The following KLRG1 variants were observed in gnomAD, a reference collection of about 807,000 sequenced individuals.
The protein encoded by KLRG1 is killer cell lectin like receptor G1.
Under a neutral mutation model 21.8 loss-of-function variants are expected in KLRG1, and 16 were observed. The observed-to-expected ratio is 0.73, with a 90% CI of 0.50 to 1.11. The LOEUF is 1.11. Ranked by LOEUF, KLRG1 falls within the 50% of genes most tolerant of loss-of-function variation. The probability of loss-of-function intolerance (pLI) is 0.00; values close to 1 mark genes in which losing one functional copy is unlikely to be tolerated. For missense variants in KLRG1, 173 were observed against 218.3 expected, an observed-to-expected ratio of 0.79 and a Z score of 1.31; for synonymous variants, 69 against 75.9, an observed-to-expected ratio of 0.91 and a Z score of 0.47.
chr12:9,170,909 G>C, the KLRG1 span, among the ~76,000 whole-genome samples: 1 of 152,144 alleles, frequency 6.6e-6, no homozygotes, highest in African/African-American at 2.4e-5. The surrounding 1 kb of genome is among the most constrained non-coding windows in gnomAD (Gnocchi z 4.6). Context: ...GGTTGACTCT[G>C]CCACTCCAAC....
chr12:9,074,950 G>A, the KLRG1 span, among the ~76,000 whole-genome samples: 1 of 152,160 alleles, frequency 6.6e-6, no homozygotes, highest in Non-Finnish European at 1.5e-5. Context: ...GTGTGTTTTA[G>A]CCCAGCTAAG....
the KLRG1 span, chr12:9,168,675 T>G: frequency 2.0e-6 from 1 of 505,900 alleles, no homozygotes; most frequent in Non-Finnish European, 3.5e-6. Context: ...AAGTATCGGA[T>G]GTATCTAAAA....
chr12:9,153,059 A>G, the KLRG1 span: 2 of 1,606,990 alleles, frequency 1.2e-6, no homozygotes, highest in Non-Finnish European at 1.7e-6. Flanking sequence ...GAAGGAAGGA[A>G]CAGAGTTTCC....
the KLRG1 span, chr12:9,202,364 G>T: frequency 2.8e-4 from 449 of 1,614,104 alleles, 7 homozygotes; most frequent in South Asian, 4.5e-3. Flanking sequence ...AGACAACACG[G>T]AATCTTACTG....
At chr12:8,966,382 AT>A (rs1312093827) in intron 1 of KLRG1, among the ~76,000 whole-genome samples, 1 of 152,156 alleles carries the variant, frequency 6.6e-6, no homozygotes, top group Non-Finnish European at 1.5e-5. Flanking sequence ...AAAAGAAACT[AT>A]CATCAGAGTG....
intron 1 of KLRG1, among the ~76,000 whole-genome samples, chr12:8,974,770 G>A (rs1357558568): frequency 6.6e-6 from 1 of 152,036 alleles, no homozygotes; most frequent in Admixed American, 6.6e-5. Flanking sequence ...TTTGGTTTAC[G>A]GGTATTTTAT....
At chr12:9,040,007 A>G in the KLRG1 span, among the ~76,000 whole-genome samples, 1 of 152,256 alleles carries the variant, frequency 6.6e-6, no homozygotes. Flanking sequence ...GGAACTATCA[A>G]TAATAGAAGG....
At chr12:9,159,866 G>T in the KLRG1 span, 2 of 1,304,202 alleles carry the variant, frequency 1.5e-6, no homozygotes, top group Non-Finnish European at 2.2e-6. Flanking sequence ...AACAGAAAAT[G>T]GACTAAGACA....
At chr12:9,055,809 A>G in the KLRG1 span, 1 of 152,614 alleles carries the variant, frequency 6.6e-6, no homozygotes, top group East Asian at 1.9e-4. Context: ...TTCTAATTGG[A>G]TATGGACAGC....
chr12:9,150,077 C>A, the KLRG1 span, among the ~76,000 whole-genome samples: 1 of 152,186 alleles, frequency 6.6e-6, no homozygotes, highest in East Asian at 1.9e-4. Flanking sequence ...TTTTGCCTCT[C>A]AAACTTATTG....
At chr12:8,991,686 T>C (rs186159155) in intron 1 of KLRG1, among the ~76,000 whole-genome samples, 62 of 152,320 alleles carry the variant, frequency 4.1e-4, no homozygotes, top group East Asian at 4.1e-3. Flanking sequence ...TATTAGAAGC[T>C]ATATATTCAC....
At chr12:9,077,338 G>GTA in the KLRG1 span, 2 of 1,610,896 alleles carry the variant, frequency 1.2e-6, no homozygotes, top group Non-Finnish European at 1.7e-6. Flanking sequence ...GAATGGGGTG[G>GTA]TACCTACAGT....
At chr12:9,079,993 A>C in the KLRG1 span, 2 of 940,122 alleles carry the variant, frequency 2.1e-6, no homozygotes, top group Non-Finnish European at 3.0e-6. Context: ...AGAAGAAAGA[A>C]GTTAAAATTA....
chr12:9,034,135 A>G, the KLRG1 span, among the ~76,000 whole-genome samples: 24 of 152,346 alleles, frequency 1.6e-4, no homozygotes, highest in East Asian at 3.9e-3. Context: ...GAAGAGATAC[A>G]TACAGTCATG....
At chr12:9,095,272 C>T in the KLRG1 span, among the ~76,000 whole-genome samples, 51 of 152,272 alleles carry the variant, frequency 3.3e-4, no homozygotes, top group East Asian at 8.5e-3. Context: ...ACTCTTTCAA[C>T]AGTAATTATT....
chr12:9,174,461 T>C, the KLRG1 span, among the ~76,000 whole-genome samples: 1 of 152,176 alleles, frequency 6.6e-6, no homozygotes, highest in Non-Finnish European at 1.5e-5. Flanking sequence ...AGTATTGGAA[T>C]TTCTGGCCAG....
At chr12:8,961,539 A>G (rs1430477738) in intron 1 of KLRG1, among the ~76,000 whole-genome samples, 2 of 151,624 alleles carry the variant, frequency 1.3e-5, no homozygotes, top group Non-Finnish European at 2.9e-5. Flanking sequence ...CAGCCTCCTG[A>G]GTAGCTGGGG....
At chr12:9,094,303 A>G in the KLRG1 span, among the ~76,000 whole-genome samples, 1 of 147,588 alleles carries the variant, frequency 6.8e-6, no homozygotes, top group Non-Finnish European at 1.5e-5. Context: ...GTGCTGGTCA[A>G]TATTTCACAA....
chr12:9,115,335 T>C, the KLRG1 span: 1 of 156,032 alleles, frequency 6.4e-6, no homozygotes, highest in Non-Finnish European at 1.4e-5. Flanking sequence ...TTCAAATTGT[T>C]CCTTTATTTG....
Sources: allele counts gnomAD v4.1 joint callset (sites outside exome capture counted in the v4.1 genomes callset), GRCh38; gene constraint gnomAD v4.1.1; non-coding constraint Gnocchi (gnomAD v3.1); transcripts MANE v1.5; gene names NCBI Gene and HGNC (gene_info 2026-07-23, HGNC 2026-07-21).